The following ANKMY1 variants were observed in gnomAD, a reference collection of about 807,000 sequenced individuals.
ANKMY1 encodes ankyrin repeat and MYND domain containing 1.
ANKMY1 carries 98 observed loss-of-function variants against 102.0 expected under a neutral mutation model. The ratio of observed to expected loss-of-function variants is 0.96; its 90% CI spans 0.82 to 1.14. ANKMY1 has a LOEUF of 1.14. ANKMY1 is among the 50% of genes most tolerant of loss of function. ANKMY1 has a pLI of 0.00. For synonymous variants in ANKMY1, 582 were observed against 559.9 expected (o/e 1.04, Z -0.56); for missense variants, 1,330 against 1,347.6 (o/e 0.99, Z 0.20).
At chr2:240,516,337 T>A (rs1325104775) in intron 9 of ANKMY1, among the ~76,000 whole-genome samples, 1 of 152,136 alleles carries the variant, frequency 6.6e-6, no homozygotes, top group Non-Finnish European at 1.5e-5. Flanking sequence ...GGGTATTGGG[T>A]CCCTAAAGTC....
intron 4 of ANKMY1, among the ~76,000 whole-genome samples, chr2:240,545,877 C>T (rs1188846398): frequency 6.6e-5 from 10 of 152,200 alleles, no homozygotes; most frequent in Non-Finnish European, 1.5e-4. Flanking sequence ...ACCAAATCTA[C>T]GTCTGATTGG....
intron 4 of ANKMY1, among the ~76,000 whole-genome samples, chr2:240,550,574 T>G (rs2091333738): frequency 6.6e-6 from 1 of 152,148 alleles, no homozygotes; most frequent in South Asian, 2.1e-4. Context: ...GATCTTAAAT[T>G]AACTTTTTTT....
At position 240,529,032 on chromosome 2, in the gene ANKMY1, G is replaced by A. The variant is rs1455520737; in HGVS notation, c.953+5C>T. The A allele has an allele frequency of 3.1e-6, 5 of 1,613,336 alleles. No homozygotes were observed. Among genetic ancestry groups the A allele is most frequent in the African/African-American group, 1.3e-5 (1 of 74,990 alleles). Reference sequence around the variant, plus strand: ...CTAGGGGAGGAGCAGTAGCAGACTAGTCACCTGAACTTGTAAGTTTGCTTC... The same window carrying A: ...CTAGGGGAGGAGCAGTAGCAGACTAATCACCTGAACTTGTAAGTTTGCTTC... On this transcript the variant is annotated splice_donor_5th_base_variant and intron_variant, in intron 5 of 17. Transcript: ENST00000401804. The surrounding 1 kb of genome is among the most constrained non-coding windows in gnomAD (Gnocchi z 4.2).
chr2:240,523,995 C>T lies in ANKMY1; in HGVS notation c.1722G>A (p.Met574Ile), dbSNP rs768492458. 1.2e-6 allele frequency: 2 copies of T among 1,613,946 alleles called. No homozygotes were observed. Among genetic ancestry groups the T allele is most frequent in the Non-Finnish European group, 1.7e-6 (2 of 1,180,052 alleles). ...TGTGGGACTGGGCGCTTCTCTCCAG[C>T]ATGGCCTGCGAGAGCTCGATGGAGA... The part of the protein sequence containing the change: ...CDFSIELSQA[M>I]LERSAQSHSL... Residue 574 changes from methionine to isoleucine, a missense_variant, in exon 8 of 18, where the codon ATG becomes ATA. Coordinates refer to ENST00000401804, the MANE Select transcript of ANKMY1 (RefSeq NM_001282771.3).
Position 240,523,914 on chromosome 2 carries a change from G to A in ANKMY1, c.1803C>T (p.Thr601=). Residue 601 remains threonine (T), a synonymous_variant, in exon 8 of 18, where the codon ACC becomes ACT. Transcript: ENST00000401804. ...SPCTSSFDKG[T]MRRMALSMIE... ...TCATGGACAGCGCCATCCTCCGCATGGTCCCTTTGTCGAAGCTGCTGGTGC... is the reference window on the plus strand; with the variant it reads ...TCATGGACAGCGCCATCCTCCGCATAGTCCCTTTGTCGAAGCTGCTGGTGC... 1 of 1,613,696 alleles carries A rather than the reference G, an allele frequency of 6.2e-7. No homozygotes were observed. The highest frequency in any genetic ancestry group is 8.5e-7 in the Non-Finnish European group (1 of 1,180,012).
chr2:240,495,360 C>T (rs1209337745), intron 15 of ANKMY1, among the ~76,000 whole-genome samples: 1 of 146,910 alleles, frequency 6.8e-6, no homozygotes, highest in African/African-American at 2.5e-5. Context: ...GAGGCCTAAC[C>T]GTCTCCCTGT....
intron 12 of ANKMY1, 144 bp from the exon 13 acceptor site, chr2:240,507,835 C>A (rs1311309213): frequency 9.8e-7 from 1 of 1,020,532 alleles, no homozygotes; most frequent in South Asian, 2.3e-5. Flanking sequence ...CCCACGGATC[C>A]TACCCACAGT....
chr2:240,511,779 TGCTTCCGGG>T, intron 11 of ANKMY1, 73 bp downstream of exon 11: 1 of 1,465,314 alleles, frequency 6.8e-7, no homozygotes, highest in Non-Finnish European at 9.0e-7. Flanking sequence ...TGAGAACACA[TGCTTCCGGG>T]GGCACAAGGC....
downstream of ANKMY1, among the ~76,000 whole-genome samples, chr2:240,476,699 T>A (rs531923046): frequency 6.6e-6 from 1 of 152,202 alleles, no homozygotes; most frequent in Non-Finnish European, 1.5e-5. Context: ...TGGGGATAGA[T>A]CTAGATAGCT....
At chr2:240,551,291 A>G (rs1379833149) in intron 4 of ANKMY1, among the ~76,000 whole-genome samples, 1 of 152,122 alleles carries the variant, frequency 6.6e-6, no homozygotes, top group African/African-American at 2.4e-5. Flanking sequence ...ACAAAATTTG[A>G]GTCATATTTC....
intron 15 of ANKMY1, among the ~76,000 whole-genome samples, chr2:240,483,414 C>T (rs1377602207): frequency 2.0e-5 from 3 of 152,196 alleles, no homozygotes; most frequent in Non-Finnish European, 4.4e-5. Flanking sequence ...TCCTCGGCCT[C>T]CCAAAGTTCT....
At chr2:240,539,857 A>C (rs1380891205) in intron 4 of ANKMY1, among the ~76,000 whole-genome samples, 2 of 152,128 alleles carry the variant, frequency 1.3e-5, no homozygotes, top group African/African-American at 2.4e-5. Context: ...AACCGGAAAA[A>C]CTGTGTGCTT....
chr2:240,477,434 T>TAGAGAAA (rs1380580621), downstream of ANKMY1, among the ~76,000 whole-genome samples: 6 of 152,268 alleles, frequency 3.9e-5, no homozygotes, highest in African/African-American at 1.2e-4. Context: ...CATCTTTCTC[T>TAGAGAAA]CATCCAGGCC....
At chr2:240,510,001 C>A (rs993696812) in intron 11 of ANKMY1, among the ~76,000 whole-genome samples, 20 of 140,622 alleles carry the variant, frequency 1.4e-4, no homozygotes, top group African/African-American at 5.3e-4. Context: ...GCCCTTTGTG[C>A]CTCCCTGTCC....
intron 15 of ANKMY1, among the ~76,000 whole-genome samples, chr2:240,493,543 G>A (rs1372698768): frequency 6.6e-6 from 1 of 152,008 alleles, no homozygotes; most frequent in Non-Finnish European, 1.5e-5. Flanking sequence ...CTTTGGCTTT[G>A]CTTCTCAGCG....
intron 4 of ANKMY1, among the ~76,000 whole-genome samples, chr2:240,544,290 C>T (rs1476677992): frequency 6.6e-6 from 1 of 152,152 alleles, no homozygotes; most frequent in East Asian, 1.9e-4. Flanking sequence ...TAGGACAAAT[C>T]AGAAAGTCCA....
intron 4 of ANKMY1, among the ~76,000 whole-genome samples, chr2:240,536,284 T>C (rs2086715259): frequency 6.6e-6 from 1 of 152,190 alleles, no homozygotes. Context: ...GAAAATTCTT[T>C]TTTTTTCTTT....
At chr2:240,480,195 A>G (rs2075198825) in intron 17 of ANKMY1, among the ~76,000 whole-genome samples, 1 of 152,216 alleles carries the variant, frequency 6.6e-6, no homozygotes, top group South Asian at 2.1e-4. Context: ...TCGTCTCAAA[A>G]GAAAACAAAA....
At chr2:240,544,858 A>G (rs1450166166) in intron 4 of ANKMY1, among the ~76,000 whole-genome samples, 1 of 152,206 alleles carries the variant, frequency 6.6e-6, no homozygotes, top group African/African-American at 2.4e-5. Context: ...GGAGGGTCCT[A>G]CGCCCACGGA....
Sources: allele counts gnomAD v4.1 joint callset (sites outside exome capture counted in the v4.1 genomes callset), GRCh38; gene constraint gnomAD v4.1.1; non-coding constraint Gnocchi (gnomAD v3.1); transcripts MANE v1.5; gene names NCBI Gene and HGNC (gene_info 2026-07-23, HGNC 2026-07-21).